RAB38: variants seen among roughly 807,000 people sequenced by gnomAD.
RAB38 encodes the protein ras-related protein Rab-38.
Under a neutral mutation model 18.4 loss-of-function variants are expected in RAB38, and 15 were observed. That is an observed-to-expected ratio of 0.82 (90% confidence interval 0.55 to 1.26). The LOEUF (loss-of-function observed/expected upper bound fraction) is 1.26. Among genes scored for constraint, RAB38 ranks in the 50% most tolerant of loss-of-function variants. RAB38 has a pLI of 0.00. For missense variants in RAB38, 294 were observed against 267.4 expected, an observed-to-expected ratio of 1.10 and a Z score of -0.69; for synonymous variants, 101 against 104.4, an observed-to-expected ratio of 0.97 and a Z score of 0.20.
At chr11:87,887,811 T>A in the RAB38 span, among the ~76,000 whole-genome samples, 9,339 of 151,966 alleles carry the variant, frequency 0.061, 396 homozygotes, top group Admixed American at 0.091. Flanking sequence ...AAATCACCTA[T>A]CAATCTTACA....
chr11:87,929,562 G>C, the RAB38 span, among the ~76,000 whole-genome samples: 6 of 137,820 alleles, frequency 4.4e-5, no homozygotes, highest in African/African-American at 1.5e-4. Context: ...TCTTTTTTTT[G>C]GTTTTTTTTT....
chr11:87,898,127 C>T, the RAB38 span, among the ~76,000 whole-genome samples: 12 of 151,734 alleles, frequency 7.9e-5, no homozygotes, highest in Admixed American at 7.2e-4. Context: ...GTTGCCTACT[C>T]AGCACATCAT....
intron 2 of RAB38, among the ~76,000 whole-genome samples, chr11:88,118,482 GAC>G (rs1942587060): frequency 6.6e-6 from 1 of 152,168 alleles, no homozygotes; most frequent in South Asian, 2.1e-4. Context: ...CATCCAAATA[GAC>G]ACAGTGAAGC....
chr11:87,829,775 T>G, the RAB38 span, among the ~76,000 whole-genome samples: 1 of 152,202 alleles, frequency 6.6e-6, no homozygotes, highest in African/African-American at 2.4e-5. Context: ...AGGAGGTAAC[T>G]CTCAGCAGTG....
At chr11:88,032,762 C>T in the RAB38 span, among the ~76,000 whole-genome samples, 1 of 152,168 alleles carries the variant, frequency 6.6e-6, no homozygotes, top group Admixed American at 6.6e-5. Context: ...AATAGGAACA[C>T]TTTTACACTG....
intron 1 of RAB38, chr11:88,167,059 T>G (rs1196588966): frequency 6.6e-6 from 1 of 152,140 alleles, no homozygotes; most frequent in African/African-American, 2.4e-5. Flanking sequence ...AATAGTAAAC[T>G]ATTTCTATCT....
chr11:87,839,039 A>C, the RAB38 span, among the ~76,000 whole-genome samples: 1 of 152,200 alleles, frequency 6.6e-6, no homozygotes, highest in African/African-American at 2.4e-5. Flanking sequence ...ACTTTAGTAA[A>C]GTGTGCTACT....
the RAB38 span, among the ~76,000 whole-genome samples, chr11:87,976,427 TATGC>T: frequency 7.5e-6 from 1 of 134,196 alleles, no homozygotes; most frequent in Admixed American, 8.0e-5. Context: ...ATTTATATAT[TATGC>T]ATTTATATTT....
the RAB38 span, among the ~76,000 whole-genome samples, chr11:88,095,066 A>G: frequency 8.6e-4 from 131 of 151,504 alleles, 1 homozygote; most frequent in African/African-American, 3.1e-3. Flanking sequence ...TCCAATAATC[A>G]CCTTTCTTTT....
chr11:87,878,674 T>C, the RAB38 span, among the ~76,000 whole-genome samples: 1 of 151,646 alleles, frequency 6.6e-6, no homozygotes, highest in Non-Finnish European at 1.5e-5. Flanking sequence ...AGTTTCAGCT[T>C]CTCTTTATTT....
chr11:88,031,932 A>T, the RAB38 span, among the ~76,000 whole-genome samples: 1 of 151,842 alleles, frequency 6.6e-6, no homozygotes, highest in Non-Finnish European at 1.5e-5. Context: ...GTCAATCCTA[A>T]GCCAAAAGAA....
the RAB38 span, among the ~76,000 whole-genome samples, chr11:88,043,258 C>T: frequency 6.6e-6 from 1 of 152,190 alleles, no homozygotes; most frequent in Admixed American, 6.5e-5. Context: ...TTTGTCTCAT[C>T]TACTTTTGCA....
chr11:88,145,999 CTA>C (rs2134820603), intron 2 of RAB38, among the ~76,000 whole-genome samples: 2 of 152,264 alleles, frequency 1.3e-5, no homozygotes, highest in South Asian at 4.1e-4. Context: ...GCAGAAAAGA[CTA>C]TTTTCTTTCC....
At chr11:87,876,709 C>T in the RAB38 span, among the ~76,000 whole-genome samples, 39,974 of 151,238 alleles carry the variant, frequency 0.26, 7,150 homozygotes, top group African/African-American at 0.51. Context: ...TTAGAAGTCA[C>T]TCTGGATTAT....
intron 1 of RAB38, among the ~76,000 whole-genome samples, chr11:88,169,772 G>A (rs1943286663): frequency 6.6e-6 from 1 of 152,192 alleles, no homozygotes; most frequent in Non-Finnish European, 1.5e-5. Context: ...GGAGAACGAG[G>A]TGTGGACAAC....
the RAB38 span, among the ~76,000 whole-genome samples, chr11:87,808,390 A>T: frequency 1.3e-5 from 2 of 152,204 alleles, no homozygotes; most frequent in African/African-American, 4.8e-5. Flanking sequence ...AAAAGAAAAT[A>T]TCCTGTTATT....
At chr11:87,912,225 T>G in the RAB38 span, among the ~76,000 whole-genome samples, 1 of 151,988 alleles carries the variant, frequency 6.6e-6, no homozygotes, top group African/African-American at 2.4e-5. Flanking sequence ...TAGAATAAAT[T>G]GGGAGGCATT....
Position 88,175,351 on chromosome 11 carries a change from A to G in RAB38, c.34T>C (p.Leu12=). The G allele has an allele frequency of 6.2e-7, 1 of 1,614,104 alleles. No homozygotes were observed. Among genetic ancestry groups the G allele is most frequent in the African/African-American group, 1.3e-5 (1 of 75,034 alleles). ...QAPHKEHLYK[L]LVIGDLGVGK... ...ACGCCCAGGTCGCCAATCACCAGCAACTTGTACAGGTGCTCCTTGTGCGGG... is the reference window on the plus strand; with the variant it reads ...ACGCCCAGGTCGCCAATCACCAGCAGCTTGTACAGGTGCTCCTTGTGCGGG... Residue 12 remains leucine, a synonymous_variant, in exon 1 of 3, where the codon TTG becomes CTG. Transcript: ENST00000243662.
At chr11:88,118,535 A>C (rs11824147) in intron 2 of RAB38, among the ~76,000 whole-genome samples, 9,051 of 152,324 alleles carry the variant, frequency 0.059, 382 homozygotes, top group African/African-American at 0.12. Flanking sequence ...GAGTTGCCAG[A>C]ATAAGTGAAA....
Sources: allele counts gnomAD v4.1 joint callset (sites outside exome capture counted in the v4.1 genomes callset), GRCh38; gene constraint gnomAD v4.1.1; transcripts MANE v1.5; gene names NCBI Gene and HGNC (gene_info 2026-07-23, HGNC 2026-07-21).